TRIM25: variants seen among roughly 807,000 people sequenced by gnomAD.
The protein encoded by TRIM25 is tripartite motif containing 25.
In TRIM25, 45 loss-of-function variants were observed where a neutral mutation model predicts 65.2. The observed-to-expected ratio is 0.69, with a 90% confidence interval of 0.54 to 0.89. The LOEUF is 0.89. Ranked by LOEUF, TRIM25 falls within the 40% of genes least tolerant of loss-of-function variation. The pLI, the probability that TRIM25 is intolerant of heterozygous loss-of-function variation, is 0.00. For synonymous variants in TRIM25, 321 were observed against 340.4 expected (o/e 0.94, Z 0.63); for missense variants, 714 against 803.7 (o/e 0.89, Z 1.35).
In TRIM25 at chr17:56,903,644, C is replaced by G. The variant is rs535910667; in HGVS notation, c.927+611G>C. Among the ~76,000 whole-genome samples the G allele has an allele frequency of 5.9e-5, 9 of 152,210 alleles. No individual in the cohort carries two copies. The South Asian group carries it at 1.7e-3, about 28-fold the overall frequency. On this transcript the variant is annotated intron_variant, in intron 3 of 8. Coordinates refer to ENST00000316881, the MANE Select transcript of TRIM25 (RefSeq NM_005082.5). ...ACGGTGAATGAAATAGGATATCACT[C>G]CTGTGATTAGGTTATGTCATGTGGC...
chr17:56,891,705 T>TG lies in TRIM25; in HGVS notation c.1887dup (p.Lys630GlnfsTer6). 1 of 1,611,240 alleles carries TG rather than the reference T, an allele frequency of 6.2e-7. No homozygotes were observed. The highest frequency in any genetic ancestry group is 1.7e-5 in the Admixed American group (1 of 59,920). On this transcript the variant is annotated frameshift_variant, in exon 9 of 9. Coordinates refer to ENST00000316881, the MANE Select transcript of TRIM25 (RefSeq NM_005082.5). LOFTEE classifies it high-confidence loss of function. ...CCCAAGTGCCTACAGCCTGCCTACT[T>TG]GGGGGAGCAGATGGAGAGTGTGGCA...
chr17:56,911,295 A>G (rs1490748647), intron 1 of TRIM25, among the ~76,000 whole-genome samples: 6 of 151,552 alleles, frequency 4.0e-5, no homozygotes, highest in Non-Finnish European at 8.8e-5. Context: ...AAATATATAT[A>G]TATGGGCCGG....
chr17:56,912,778 C>G (rs1205779895), intron 1 of TRIM25: 1 of 152,236 alleles, frequency 6.6e-6, no homozygotes, highest in East Asian at 1.9e-4. Flanking sequence ...GCCACCAGGA[C>G]TTCGTGAGGG....
intron 5 of TRIM25, among the ~76,000 whole-genome samples, chr17:56,896,227 T>C (rs2144351047): frequency 6.6e-6 from 1 of 152,212 alleles, no homozygotes; most frequent in Admixed American, 6.5e-5. Flanking sequence ...AACACATGTA[T>C]GCATTTGTCA....
Position 56,908,528 on chromosome 17 carries a change from A to G in TRIM25, c.633T>C (p.Ser211=). Residue 211 remains serine (S), a synonymous_variant, in exon 2 of 9, where the codon AGT becomes AGC. Transcript: ENST00000316881. ...TLRHKLTVMY[S]QINGASRALD... ...GTGCTCTCGACGCCCCGTTGATCTG[A>G]CTGTACATGACAGTTAGTTTGTGCC... 1 of 1,614,004 alleles carries G rather than the reference A, an allele frequency of 6.2e-7. No individual in the cohort carries two copies.
chr17:56,908,829 T>C (rs1909571825), intron 1 of TRIM25: 1 of 421,514 alleles, frequency 2.4e-6, no homozygotes, highest in Non-Finnish European at 4.4e-6. Flanking sequence ...GTCCTTCACC[T>C]CAGTTTTCTT....
intron 1 of TRIM25, among the ~76,000 whole-genome samples, chr17:56,911,262 T>C: frequency 6.6e-6 from 1 of 151,576 alleles, no homozygotes; most frequent in East Asian, 2.0e-4. Flanking sequence ...AGTGAAAACC[T>C]GTCTCTAAAA....
At chr17:56,899,020 C>T in intron 5 of TRIM25, 95 bp downstream of exon 5, 3 of 1,447,440 alleles carry the variant, frequency 2.1e-6, no homozygotes, top group South Asian at 2.4e-5. Context: ...GTCCAGGCCC[C>T]ACAGTGACTC....
intron 8 of TRIM25, among the ~76,000 whole-genome samples, chr17:56,893,367 G>A (rs1263300249): frequency 6.6e-6 from 1 of 152,164 alleles, no homozygotes; most frequent in Non-Finnish European, 1.5e-5. Context: ...GCCACAGAGT[G>A]CACAGCAGCT....
At chr17:56,909,310 T>C (rs1178133859) in intron 1 of TRIM25, among the ~76,000 whole-genome samples, 2 of 151,864 alleles carry the variant, frequency 1.3e-5, no homozygotes, top group Non-Finnish European at 2.9e-5. Context: ...CTGGGAGCCT[T>C]TGTCAGCCTC....
chr17:56,898,937 G>C (rs528547621), intron 5 of TRIM25, 178 bp downstream of exon 5: 46 of 637,024 alleles, frequency 7.2e-5, no homozygotes, highest in Non-Finnish European at 1.1e-4. Context: ...CAATGCTGAT[G>C]GACAGCGGAG....
At chr17:56,901,294 A>T in intron 4 of TRIM25, 125 bp downstream of exon 4, 2 of 1,097,806 alleles carry the variant, frequency 1.8e-6, no homozygotes, top group Non-Finnish European at 2.6e-6. Context: ...CGGATGTTTC[A>T]GGAGCCCTGA....
At position 56,904,416 on chromosome 17, in the gene TRIM25, C is replaced by T; in HGVS notation, c.766G>A (p.Glu256Lys). 2 of 1,614,140 alleles carry T rather than the reference C, an allele frequency of 1.2e-6. No individual in the cohort carries two copies. Among genetic ancestry groups the T allele is most frequent in the Non-Finnish European group, 1.7e-6 (2 of 1,180,048 alleles). The change falls in exon 3 of 9, where the codon GAG becomes AAG. Residue 256 changes from glutamate to lysine, a missense_variant. This residue lies in a region of TRIM25 where 413 missense variants were observed against 498.2 expected (regional missense o/e 0.83). Transcript: ENST00000316881. ...TTTATCTTCCTTGTCGAGGTGGTCT[C>T]TGAGGCGTCCAAGAGAGCCTTCATT... ...TEMKALLDAS[E>K]TTSTRKIKEE...
chr17:56,903,310 G>A (rs980406547), intron 3 of TRIM25, among the ~76,000 whole-genome samples: 4 of 152,218 alleles, frequency 2.6e-5, no homozygotes, highest in Non-Finnish European at 5.9e-5. Context: ...TGAGGCAGGA[G>A]GATCACTTGA....
chr17:56,906,741 C>A (rs781515759), intron 2 of TRIM25, among the ~76,000 whole-genome samples: 1 of 152,194 alleles, frequency 6.6e-6, no homozygotes, highest in East Asian at 1.9e-4. Flanking sequence ...GTGATCCATG[C>A]GTCTCGGCCT....
At position 56,913,788 on chromosome 17, in the gene TRIM25, C is replaced by G. The variant is rs749361520; in HGVS notation, c.201G>C (p.Thr67=). ...YQARPQLHKN[T]VLCNVVEQFL... ...ACTGCTCCACCACGTTGCACAGCAC[C>G]GTGTTCTTGTGCAGCTGCGGTCGCG... Residue 67 remains threonine, a synonymous_variant, in exon 1 of 9, where the codon ACG becomes ACC. Coordinates refer to ENST00000316881, the MANE Select transcript of TRIM25 (RefSeq NM_005082.5). The surrounding 1 kb of genome is among the most constrained non-coding windows in gnomAD (Gnocchi z 6.1). 4 of 1,560,012 alleles carry G rather than the reference C, an allele frequency of 2.6e-6. No homozygotes were observed. Among genetic ancestry groups the G allele is most frequent in the Admixed American group, 1.9e-5 (1 of 53,042 alleles).
At chr17:56,910,186 A>T (rs1162938896) in intron 1 of TRIM25, among the ~76,000 whole-genome samples, 1 of 152,164 alleles carries the variant, frequency 6.6e-6, no homozygotes, top group Non-Finnish European at 1.5e-5. Flanking sequence ...TCCCGTAACT[A>T]GCAGGCTCAA....
intron 8 of TRIM25, 120 bp from the exon 9 acceptor site, chr17:56,892,349 T>C: frequency 9.0e-7 from 1 of 1,111,268 alleles, no homozygotes; most frequent in Non-Finnish European, 1.3e-6. Context: ...ATCTACCCAT[T>C]GGTCCATCCA....
rs546527226 is a variant in TRIM25, at chr17:56,889,959, C to T, written c.*1741G>A. The T allele has an allele frequency of 5.9e-4, 236 of 398,120 alleles. 1 individual carries two copies. The highest frequency in any genetic ancestry group is 4.5e-3 in the African/African-American group (220 of 48,720). 24.7% of individuals were successfully genotyped at this position (398,120 alleles called of 1,614,324 possible). ...TTGCTCTCCCGAGGAACTGAAAATC[C>T]TTGTTAGGAGATGACACCGATCAGG... On this transcript the variant is annotated 3_prime_UTR_variant, in exon 9 of 9. Transcript: ENST00000316881.
Sources: allele counts gnomAD v4.1 joint callset (sites outside exome capture counted in the v4.1 genomes callset), GRCh38; gene constraint gnomAD v4.1.1; regional missense constraint gnomAD v4.1.1; non-coding constraint Gnocchi (gnomAD v3.1); transcripts MANE v1.5; gene names NCBI Gene and HGNC (gene_info 2026-07-23, HGNC 2026-07-21).